Variants in EGFR observed in about 807,000 individuals in gnomAD.
The protein encoded by EGFR is epidermal growth factor receptor.
Under a neutral mutation model 143.0 loss-of-function variants are expected in EGFR, and 58 were observed. The observed-to-expected ratio is 0.41, with a 90% confidence interval of 0.33 to 0.50. EGFR has a LOEUF of 0.50. Among genes scored for constraint, EGFR ranks in the 20% least tolerant of loss-of-function variants. The pLI is 0.39. For missense variants in EGFR, 1,307 were observed against 1,579.0 expected (o/e 0.83, Z 2.92); for synonymous variants, 613 against 594.4 (o/e 1.03, Z -0.45).
At chr7:55,170,214 A>T in intron 15 of EGFR, 1 of 1,603,820 alleles carries the variant, frequency 6.2e-7, no homozygotes, top group Non-Finnish European at 8.5e-7. Context: ...CCTGGAGAGC[A>T]GAGATAGAAA....
rs183310867 is a variant in EGFR at position 55,121,053 on chromosome 7, C to A, written c.89-21233C>A. On this transcript the variant is annotated intron_variant, in intron 1 of 27. Coordinates refer to ENST00000275493, the MANE Select transcript of EGFR (RefSeq NM_005228.5). ...GTGAGAGGTCATCTGTTTTGAAAGC[C>A]TGGAAGATTCCATGAACTAAATCCA... 1.8e-3 allele frequency among the ~76,000 whole-genome samples: 270 copies of A among 152,262 alleles called. 5 individuals carry two copies. The highest frequency in any genetic ancestry group is 0.017 in the Admixed American group (266 of 15,288).
chr7:55,205,787 T>C lies in EGFR; in HGVS notation c.*170T>C, dbSNP rs892558602. On this transcript the variant is annotated 3_prime_UTR_variant, in exon 28 of 28. Coordinates refer to ENST00000275493, the MANE Select transcript of EGFR (RefSeq NM_005228.5). ...AGGAAGTACTTCCACCTCGGGCACA[T>C]TTTGGGAAGTTGCATTCCTTTGTCT... The C allele has an allele frequency of 4.2e-5, 41 of 971,180 alleles. No individual in the cohort carries two copies. Among genetic ancestry groups the C allele is most frequent in the Admixed American group, 1.1e-4 (5 of 44,442 alleles). 60.2% of individuals were successfully genotyped at this position (971,180 alleles called of 1,614,324 possible).
At chr7:55,059,296 A>G (rs1210329243) in intron 1 of EGFR, among the ~76,000 whole-genome samples, 2 of 152,220 alleles carry the variant, frequency 1.3e-5, no homozygotes, top group Non-Finnish European at 2.9e-5. Flanking sequence ...TTTATTACTT[A>G]ATAAACTTCC....
chr7:55,202,978 G>A, intron 27 of EGFR: 1 of 543,662 alleles, frequency 1.8e-6, no homozygotes, highest in Non-Finnish European at 3.3e-6. Context: ...TGACAGATTT[G>A]ATCCCTGTTC....
intron 3 of EGFR, 47 bp downstream of exon 3, chr7:55,143,535 C>T (rs1794587702): frequency 6.2e-7 from 1 of 1,603,326 alleles, no homozygotes; most frequent in Non-Finnish European, 8.5e-7. Flanking sequence ...ATGCAGACAG[C>T]AGTTCCGATG....
chr7:55,139,554 A>G (rs1232573686), intron 1 of EGFR, among the ~76,000 whole-genome samples: 1 of 152,164 alleles, frequency 6.6e-6, no homozygotes, highest in Admixed American at 6.5e-5. Context: ...AAACAACCTT[A>G]TGTGTTTTCT....
intron 12 of EGFR, among the ~76,000 whole-genome samples, chr7:55,160,683 G>C (rs144961283): frequency 1.9e-4 from 29 of 152,306 alleles, no homozygotes; most frequent in Non-Finnish European, 3.7e-4. Context: ...TACACACACA[G>C]AGGAATGGAA....
chr7:55,035,516 A>C (rs1787508284), intron 1 of EGFR, among the ~76,000 whole-genome samples: 1 of 150,500 alleles, frequency 6.6e-6, no homozygotes, highest in Admixed American at 6.6e-5. Flanking sequence ...TCACTAAAAA[A>C]AAAAAACAAA....
chr7:55,192,881 C>A lies in EGFR; in HGVS notation c.2701+40C>A, dbSNP rs772920271. ...TGATGCTAATGAGTTTGTACTGAGG[C>A]CAAGCTGGCTTTTATTGTTAGTTAA... On this transcript the variant is annotated intron_variant, in intron 22 of 27. Coordinates refer to ENST00000275493, the MANE Select transcript of EGFR (RefSeq NM_005228.5). The A allele has an allele frequency of 3.2e-6, 5 of 1,577,052 alleles. No individual in the cohort carries two copies. In the South Asian group the frequency reaches 5.5e-5, roughly 17 times the overall value.
At chr7:55,064,816 G>C (rs890139859) in intron 1 of EGFR, among the ~76,000 whole-genome samples, 13 of 152,136 alleles carry the variant, frequency 8.5e-5, no homozygotes, top group African/African-American at 2.9e-4. Context: ...GAAAATCAGG[G>C]AATAAAAGAA....
intron 22 of EGFR, among the ~76,000 whole-genome samples, chr7:55,194,771 C>T (rs1378058468): frequency 2.6e-5 from 4 of 152,208 alleles, no homozygotes; most frequent in Non-Finnish European, 5.9e-5. Context: ...TCAGGAAGTC[C>T]GTTCCCACTG....
chr7:55,198,961 T>A, intron 23 of EGFR, 98 bp downstream of exon 23: 1 of 1,497,030 alleles, frequency 6.7e-7, no homozygotes, highest in African/African-American at 1.4e-5. Flanking sequence ...AGAAATGTCA[T>A]CACATTACTT....
chr7:55,086,036 C>CTAT (rs1228364287), intron 1 of EGFR, among the ~76,000 whole-genome samples: 2 of 146,320 alleles, frequency 1.4e-5, no homozygotes, highest in African/African-American at 4.9e-5. Context: ...CCACTATTAA[C>CTAT]TACCTTATGA....
At chr7:55,167,636 G>A (rs1456298824) in intron 15 of EGFR, among the ~76,000 whole-genome samples, 1 of 151,500 alleles carries the variant, frequency 6.6e-6, no homozygotes, top group East Asian at 1.9e-4. Context: ...GGAGGTGAGA[G>A]TCACAATGGT....
intron 1 of EGFR, chr7:55,044,042 CAGTG>C (rs1235680087): frequency 6.6e-6 from 1 of 152,182 alleles, no homozygotes; most frequent in Non-Finnish European, 1.5e-5. Flanking sequence ...AGAAAGGAAT[CAGTG>C]GGGCCCTGGC....
At chr7:55,061,649 T>TGTGTGTGTGTGAGAGA (rs1432070752) in intron 1 of EGFR, among the ~76,000 whole-genome samples, 256 of 132,790 alleles carry the variant, frequency 1.9e-3, no homozygotes, top group Middle Eastern at 4.1e-3. Flanking sequence ...TGTGTGTGTG[T>TGTGTGTGTGTGAGAGA]GAGAGAGAGA....
rs17290239 is a variant in EGFR, at chr7:55,170,601, G to A, written c.1881-574G>A. On this transcript the variant is annotated intron_variant, in intron 15 of 27. Transcript: ENST00000275493. Reference sequence around the variant, plus strand: ...CTTTTCCTTTCTGCCACCCCTGCACGTGGGCCGCCAGGTTCCCAAGAGTAT... The same window carrying A: ...CTTTTCCTTTCTGCCACCCCTGCACATGGGCCGCCAGGTTCCCAAGAGTAT... 2.0e-3 allele frequency: 3,140 copies of A among 1,607,300 alleles called. 5 individuals are homozygous for A. The highest frequency in any genetic ancestry group is 2.5e-3 in the Non-Finnish European group (2,894 of 1,179,966).
At chr7:55,066,154 T>G (rs1789488085) in intron 1 of EGFR, among the ~76,000 whole-genome samples, 2 of 152,098 alleles carry the variant, frequency 1.3e-5, no homozygotes, top group South Asian at 4.1e-4. Flanking sequence ...TTTCCTCCCA[T>G]GTTTGCAAAG....
At chr7:55,066,747 C>T (rs1789528690) in intron 1 of EGFR, among the ~76,000 whole-genome samples, 1 of 152,202 alleles carries the variant, frequency 6.6e-6, no homozygotes, top group African/African-American at 2.4e-5. Context: ...AGAGGCTCCT[C>T]AGGTCAAGCC....
Sources: allele counts gnomAD v4.1 joint callset (sites outside exome capture counted in the v4.1 genomes callset), GRCh38; gene constraint gnomAD v4.1.1; transcripts MANE v1.5; gene names NCBI Gene and HGNC (gene_info 2026-07-23, HGNC 2026-07-21).